Variants in TARS1 observed in about 807,000 individuals in gnomAD.
TARS1 encodes the protein threonine--tRNA ligase 1, cytoplasmic.
Under a neutral mutation model 97.7 loss-of-function variants are expected in TARS1, and 57 were observed. That is an observed-to-expected ratio of 0.58 (90% confidence interval 0.47 to 0.73). The LOEUF (loss-of-function observed/expected upper bound fraction) is 0.73, where lower values mean the gene tolerates loss of function less well. Among genes scored for constraint, TARS1 ranks in the 30% least tolerant of loss-of-function variants. TARS1 has a pLI of 0.00. For synonymous variants in TARS1, 312 were observed against 293.7 expected (o/e 1.06, Z -0.64); for missense variants, 806 against 888.3 (o/e 0.91, Z 1.18).
chr5:33,452,220 T>C, intron 3 of TARS1: 1 of 750,158 alleles, frequency 1.3e-6, no homozygotes, highest in East Asian at 2.7e-5. Flanking sequence ...GTGTATACTT[T>C]TTCTTCACAG....
rs769482579 is a variant in TARS1 at position 33,459,758 on chromosome 5, T to G, written c.1147T>G (p.Trp383Gly). 1 of 1,614,220 alleles carries G rather than the reference T, an allele frequency of 6.2e-7. No homozygotes were observed. Among genetic ancestry groups the G allele is most frequent in the South Asian group, 1.1e-5 (1 of 91,088 alleles). ...CCCAAACATCTTCAACAGCCGACTCTGGATGACCTCGGGCCACTGGCAGCA... is the reference window on the plus strand; with the variant it reads ...CCCAAACATCTTCAACAGCCGACTCGGGATGACCTCGGGCCACTGGCAGCA... ...VTPNIFNSRL[W>G]MTSGHWQHYS... The change falls in exon 11 of 19, where the codon TGG becomes GGG. Residue 383 changes from tryptophan (W) to glycine (G), a missense_variant. Coordinates refer to ENST00000265112, the MANE Select transcript of TARS1 (RefSeq NM_152295.5).
chr5:33,443,987 C>T (rs1242783461), intron 1 of TARS1, among the ~76,000 whole-genome samples: 1 of 151,832 alleles, frequency 6.6e-6, no homozygotes, highest in Non-Finnish European at 1.5e-5. Flanking sequence ...ACAAGTAACG[C>T]ATTTTATAGG....
chr5:33,443,356 TCTCTCA>T (rs1741233275), intron 1 of TARS1, among the ~76,000 whole-genome samples: 3 of 145,394 alleles, frequency 2.1e-5, no homozygotes, highest in Admixed American at 1.4e-4. Context: ...TCTCTCTCTC[TCTCTCA>T]CTACCCCTGT....
At chr5:33,452,524 C>A in intron 3 of TARS1, 1 of 959,224 alleles carries the variant, frequency 1.0e-6, no homozygotes, top group Non-Finnish European at 1.6e-6. Context: ...CTTTTACACT[C>A]TGTGTGCTCT....
chr5:33,466,367 G>A (rs558401470), intron 17 of TARS1, among the ~76,000 whole-genome samples: 1 of 151,800 alleles, frequency 6.6e-6, no homozygotes, highest in East Asian at 1.9e-4. Flanking sequence ...AAAGTTAAGG[G>A]ACTAATGCCT....
At chr5:33,457,443 T>G in intron 9 of TARS1, 40 bp downstream of exon 9, 1 of 1,582,276 alleles carries the variant, frequency 6.3e-7, no homozygotes, top group Non-Finnish European at 8.6e-7. Context: ...CTGAGTTTTC[T>G]TCAACTTCAT....
Position 33,453,306 on chromosome 5 carries a change from A to G in TARS1, c.347A>G (p.Asn116Ser), listed in dbSNP as rs1741842321. 1 of 1,598,154 alleles carries G rather than the reference A, an allele frequency of 6.3e-7. No homozygotes were observed. Among genetic ancestry groups the G allele is most frequent in the Non-Finnish European group, 8.5e-7 (1 of 1,174,590 alleles). ...TTTTTAAGTCAAGGCCTGGCCGACA[A>G]CACCGTTATTGCTAAAGTAAATAAT... ...ACGISQGLAD[N>S]TVIAKVNNVV... The change falls in exon 4 of 19, where the codon AAC (asparagine) becomes AGC (serine). Residue 116 changes from asparagine (N) to serine (S), a missense_variant. Coordinates refer to ENST00000265112, the MANE Select transcript of TARS1 (RefSeq NM_152295.5).
At chr5:33,454,154 A>C (rs912310188) in intron 4 of TARS1, among the ~76,000 whole-genome samples, 2 of 152,224 alleles carry the variant, frequency 1.3e-5, no homozygotes, top group Non-Finnish European at 2.9e-5. Flanking sequence ...GGATAACACT[A>C]TAAAAGTCAA....
At chr5:33,445,202 G>T (rs1741350594) in intron 1 of TARS1, 122 bp from the exon 2 acceptor site, 1 of 731,840 alleles carries the variant, frequency 1.4e-6, no homozygotes, top group Non-Finnish European at 2.2e-6. Context: ...TTCAATATCA[G>T]ATTTCCATTT....
chr5:33,464,927 G>A (rs886114738), intron 17 of TARS1, among the ~76,000 whole-genome samples: 1 of 151,694 alleles, frequency 6.6e-6, no homozygotes, highest in South Asian at 2.1e-4. Context: ...TTAGCTGGGC[G>A]CAGTGGCGGG....
At chr5:33,464,778 TA>T (rs918966358) in intron 17 of TARS1, among the ~76,000 whole-genome samples, 20 of 150,570 alleles carry the variant, frequency 1.3e-4, no homozygotes, top group African/African-American at 4.6e-4. Flanking sequence ...CCCCATCTCT[TA>T]AAAAAAAACT....
chr5:33,443,312 T>TCC (rs1561066147), intron 1 of TARS1, among the ~76,000 whole-genome samples: 5 of 123,524 alleles, frequency 4.0e-5, no homozygotes, highest in African/African-American at 1.0e-4. Context: ...ATTCCCTCTC[T>TCC]CTCTCTCCCT....
chr5:33,456,798 T>C (rs978377864), intron 8 of TARS1, among the ~76,000 whole-genome samples: 12 of 152,176 alleles, frequency 7.9e-5, no homozygotes, highest in African/African-American at 2.9e-4. Context: ...GTAGAATGGG[T>C]CTCACTCTGT....
Position 33,456,185 on chromosome 5 carries a change from T to A in TARS1, c.795T>A (p.His265Gln). 2 of 1,614,086 alleles carry A rather than the reference T, an allele frequency of 1.2e-6. No homozygotes were observed. Among genetic ancestry groups the A allele is most frequent in the Non-Finnish European group, 1.7e-6 (2 of 1,179,972 alleles). Residue 265 changes from histidine to glutamine, a missense_variant, in exon 8 of 19, where the codon CAT (histidine) becomes CAA (glutamine). Around this residue, in one of 3 missense-constraint regions of TARS1, gnomAD observed 356 missense variants for 357.8 expected, o/e 0.99. Transcript: ENST00000265112. ...TGATAGATCTCTGCCGGGGTCCTCA[T>A]GTTAGACACACGGGCAAAATTAAGG... ...GPLIDLCRGP[H>Q]VRHTGKIKAL...
Position 33,455,656 on chromosome 5 carries a change from T to C in TARS1, c.645T>C (p.Ala215=). The change falls in exon 6 of 19, where the codon GCT becomes GCC. Residue 215 remains alanine (A), a synonymous_variant. Transcript: ENST00000265112. ...AGAAAATCATTAAAGAAAAACAAGC[T>C]TTTGAAAGACTGGAAGTTAAGAAAG... The part of the protein sequence containing the change: ...LCKKIIKEKQ[A]FERLEVKKET... 6.2e-7 allele frequency: 1 copy of C among 1,613,072 alleles called. No individual in the cohort carries two copies. Among genetic ancestry groups the C allele is most frequent in the Non-Finnish European group, 8.5e-7 (1 of 1,179,334 alleles).
chr5:33,443,599 TCTC>T (rs770978372), intron 1 of TARS1, among the ~76,000 whole-genome samples: 2 of 151,630 alleles, frequency 1.3e-5, no homozygotes, highest in African/African-American at 2.4e-5. Context: ...TTCCAGCCAT[TCTC>T]CTGCCTCAGC....
intron 1 of TARS1, 45 bp downstream of exon 1, chr5:33,441,188 T>C (rs1741072075): frequency 6.2e-7 from 1 of 1,609,746 alleles, no homozygotes; most frequent in African/African-American, 1.3e-5. Context: ...GGGACTCTAG[T>C]GGGTGCAGAC....
At chr5:33,458,858 C>T (rs1195287953) in intron 10 of TARS1, among the ~76,000 whole-genome samples, 194 bp downstream of exon 10, 2 of 152,184 alleles carry the variant, frequency 1.3e-5, no homozygotes, top group African/African-American at 4.8e-5. Flanking sequence ...AACTGGTGAG[C>T]TTGAAGGGGG....
Position 33,456,074 on chromosome 5 carries a change from T to G in TARS1, c.758+8T>G. 1 of 1,613,390 alleles carries G rather than the reference T, an allele frequency of 6.2e-7. No individual in the cohort carries two copies. Among genetic ancestry groups the G allele is most frequent in the Non-Finnish European group, 8.5e-7 (1 of 1,179,366 alleles). On this transcript the variant is annotated splice_region_variant and intron_variant, in intron 7 of 18. Transcript: ENST00000265112. The stretch of plus-strand genomic sequence containing the variant: ...AACTACCACAGTCTATAGGTAAGAA[T>G]ATTAGATGTCATTAAATGTATCTGG...
Sources: gnomAD v4.1 joint callset for allele counts (sites outside exome capture counted in the v4.1 genomes callset) on GRCh38, gnomAD v4.1.1 for gene constraint, gnomAD v4.1.1 regional missense constraint, MANE v1.5 for transcripts, NCBI Gene and HGNC (gene_info 2026-07-23, HGNC 2026-07-21) for gene names.